STON2: variants seen among roughly 807,000 people sequenced by gnomAD.
STON2 encodes the protein stonin 2.
A neutral mutation model predicts 65.7 loss-of-function variants in STON2; 29 were observed. That is an observed-to-expected ratio of 0.44 (90% CI 0.33 to 0.60). The LOEUF (loss-of-function observed/expected upper bound fraction) is 0.60, where lower values mean the gene tolerates loss of function less well. Ranked by LOEUF, STON2 falls within the 20% of genes least tolerant of loss-of-function variation. The pLI, the probability that STON2 is intolerant of heterozygous loss-of-function variation, is 0.03. For synonymous variants in STON2, 404 were observed against 414.2 expected, an observed-to-expected ratio of 0.98 and a Z score of 0.30; for missense variants, 1,054 against 1,118.1, an observed-to-expected ratio of 0.94 and a Z score of 0.82.
chr14:81,280,375 A>C (rs1428062095), intron 5 of STON2, among the ~76,000 whole-genome samples: 3 of 152,190 alleles, frequency 2.0e-5, no homozygotes. Flanking sequence ...GTACTCAATA[A>C]GGTTTTTTGA....
chr14:81,327,730 T>C (rs1897051761), intron 4 of STON2, among the ~76,000 whole-genome samples: 1 of 152,246 alleles, frequency 6.6e-6, no homozygotes, highest in African/African-American at 2.4e-5. Flanking sequence ...GGCCACGACA[T>C]GTTATGTTAG....
intron 5 of STON2, among the ~76,000 whole-genome samples, chr14:81,300,365 T>C (rs1895925703): frequency 6.6e-6 from 1 of 152,034 alleles, no homozygotes; most frequent in Admixed American, 6.5e-5. Context: ...AATATCTCCA[T>C]GACCTTAGGG....
At chr14:81,328,914 G>A (rs965353936) in intron 4 of STON2, among the ~76,000 whole-genome samples, 1 of 152,144 alleles carries the variant, frequency 6.6e-6, no homozygotes, top group Admixed American at 6.5e-5. Flanking sequence ...TTCAACAGAT[G>A]CAGATGCCAG....
intron 4 of STON2, among the ~76,000 whole-genome samples, chr14:81,365,376 T>C (rs1287627931): frequency 2.6e-5 from 4 of 152,232 alleles, no homozygotes; most frequent in Non-Finnish European, 2.9e-5. Flanking sequence ...ATACCTGCTA[T>C]GTGCTTCATC....
intron 3 of STON2, among the ~76,000 whole-genome samples, chr14:81,375,021 TG>T (rs1257316554): frequency 6.6e-6 from 1 of 152,172 alleles, no homozygotes; most frequent in African/African-American, 2.4e-5. Context: ...ATGTTTAGAC[TG>T]ACTACCACCT....
intron 6 of STON2, among the ~76,000 whole-genome samples, chr14:81,272,593 C>T (rs993733408): frequency 2.0e-5 from 3 of 152,094 alleles, no homozygotes; most frequent in Admixed American, 2.0e-4. Flanking sequence ...GTTTCACAAA[C>T]GTAACATATT....
chr14:81,329,160 A>G (rs1897110626), intron 4 of STON2, among the ~76,000 whole-genome samples: 1 of 152,216 alleles, frequency 6.6e-6, no homozygotes, highest in Non-Finnish European at 1.5e-5. Context: ...TGGTGTCGTT[A>G]TAAGAAGAGA....
intron 3 of STON2, among the ~76,000 whole-genome samples, chr14:81,379,819 C>T (rs1899427682): frequency 6.6e-6 from 1 of 152,114 alleles, no homozygotes; most frequent in South Asian, 2.1e-4. Context: ...TGGACTCCTA[C>T]CTCTCACTAT....
At chr14:81,376,121 CAA>C (rs1338500674) in intron 3 of STON2, among the ~76,000 whole-genome samples, 5 of 151,182 alleles carry the variant, frequency 3.3e-5, no homozygotes, top group African/African-American at 1.2e-4. Context: ...AGTAAGCTCC[CAA>C]TTTATTAAGA....
At chr14:81,340,010 C>G (rs1389126217) in intron 4 of STON2, among the ~76,000 whole-genome samples, 1 of 151,924 alleles carries the variant, frequency 6.6e-6, no homozygotes, top group South Asian at 2.1e-4. Flanking sequence ...AAAAATTAGC[C>G]GGGCGTGGTG....
At chr14:81,372,088 GA>G (rs1899022739) in intron 3 of STON2, among the ~76,000 whole-genome samples, 1 of 152,196 alleles carries the variant, frequency 6.6e-6, no homozygotes, top group South Asian at 2.1e-4. Context: ...CCTTTAAGGG[GA>G]AAATGTACAA....
At chr14:81,286,096 C>T (rs933712515) in intron 5 of STON2, among the ~76,000 whole-genome samples, 1 of 151,542 alleles carries the variant, frequency 6.6e-6, no homozygotes, top group Non-Finnish European at 1.5e-5. Flanking sequence ...TGCAGTGAGC[C>T]GAGACTGCGC....
At chr14:81,393,405 G>GAGCAGCAGC (rs112592030) in intron 3 of STON2, among the ~76,000 whole-genome samples, 1 of 151,858 alleles carries the variant, frequency 6.6e-6, no homozygotes, top group Non-Finnish European at 1.5e-5. Context: ...GAGGATACTA[G>GAGCAGCAGC]AGCAGCAGCA....
chr14:81,319,626 AG>A (rs145276202), intron 5 of STON2, among the ~76,000 whole-genome samples: 5,365 of 152,322 alleles, frequency 0.035, 302 homozygotes, highest in African/African-American at 0.12. Flanking sequence ...TGCATCTTTC[AG>A]TAATGGAAGG....
intron 5 of STON2, among the ~76,000 whole-genome samples, chr14:81,311,091 G>C (rs1357256655): frequency 6.6e-6 from 1 of 152,154 alleles, no homozygotes; most frequent in South Asian, 2.1e-4. Flanking sequence ...GAGAAGACGG[G>C]AAAGTAAGCC....
intron 3 of STON2, among the ~76,000 whole-genome samples, chr14:81,391,411 T>C (rs983275460): frequency 1.3e-5 from 2 of 152,196 alleles, no homozygotes; most frequent in African/African-American, 2.4e-5. Context: ...ACTGTGTAAC[T>C]TGGGGAATGT....
In STON2 at chr14:81,262,701, A is replaced by AT. The variant is rs138554160; in HGVS notation, c.*5712dup. 1.7e-3 allele frequency: 1,706 copies of AT among 981,166 alleles called. 12 individuals are homozygous for AT. In the African/African-American group the frequency reaches 0.027, roughly 15 times the overall value. The allele number at this position is 981,166 out of a possible 1,614,324, so 60.8% of individuals were successfully genotyped here. A position where few individuals can be genotyped will look rare whatever the true frequency, so the allele number is the denominator to read the frequency against. ...TTAGAATTGACAAATTGAGAGACAC[A>AT]TTTTTTTTTCAATTCTCAAAACAAC... On this transcript the variant is annotated 3_prime_UTR_variant, in exon 8 of 8. Coordinates refer to ENST00000614646, the MANE Select transcript of STON2 (RefSeq NM_001394390.1).
At chr14:81,385,601 T>A (rs1238749225) in intron 3 of STON2, among the ~76,000 whole-genome samples, 1 of 152,170 alleles carries the variant, frequency 6.6e-6, no homozygotes, top group Non-Finnish European at 1.5e-5. Flanking sequence ...AACAACAAGC[T>A]GACTTCACTG....
At chr14:81,285,840 C>T (rs1036159092) in intron 5 of STON2, among the ~76,000 whole-genome samples, 9 of 152,064 alleles carry the variant, frequency 5.9e-5, no homozygotes, top group Admixed American at 5.2e-4. Context: ...TGCACATGTA[C>T]CTGCTGAATC....
Sources: gnomAD v4.1 joint callset for allele counts (sites outside exome capture counted in the v4.1 genomes callset) on GRCh38, gnomAD v4.1.1 for gene constraint, MANE v1.5 for transcripts, NCBI Gene and HGNC (gene_info 2026-07-23, HGNC 2026-07-21) for gene names.